The following SYN2 variants were observed in gnomAD, a reference collection of about 807,000 sequenced individuals.
SYN2 encodes synapsin-2.
A neutral mutation model predicts 50.9 loss-of-function variants in SYN2; 19 were observed. The ratio of observed to expected loss-of-function variants is 0.37; its 90% CI spans 0.26 to 0.55. SYN2 has a LOEUF of 0.55. SYN2 is among the 20% of genes least tolerant of loss of function. The pLI is 0.81. For synonymous variants in SYN2, 255 were observed against 224.9 expected, an observed-to-expected ratio of 1.13 and a Z score of -1.20; for missense variants, 587 against 576.4, an observed-to-expected ratio of 1.02 and a Z score of -0.19.
At chr3:12,165,149 G>C (rs898613829) in intron 7 of SYN2, 1 of 152,014 alleles carries the variant, frequency 6.6e-6, no homozygotes, top group African/African-American at 2.4e-5. Flanking sequence ...ACCATGCCTG[G>C]CTAATTTTTT....
intron 1 of SYN2, among the ~76,000 whole-genome samples, chr3:12,095,932 G>C (rs1266463354): frequency 7.2e-5 from 11 of 152,060 alleles, no homozygotes. Flanking sequence ...CCCACTTGCA[G>C]TTCTTATGTA....
chr3:12,139,907 A>C (rs1300355810), intron 1 of SYN2, among the ~76,000 whole-genome samples: 2 of 152,252 alleles, frequency 1.3e-5, no homozygotes, highest in Admixed American at 6.5e-5. Flanking sequence ...TCTGCTTATA[A>C]GGGATTAATT....
intron 1 of SYN2, among the ~76,000 whole-genome samples, chr3:12,132,502 T>C (rs2125210330): frequency 6.6e-6 from 1 of 152,318 alleles, no homozygotes; most frequent in South Asian, 2.1e-4. Flanking sequence ...ATTTGATTTG[T>C]GTAGGGTCAC....
intron 1 of SYN2, among the ~76,000 whole-genome samples, chr3:12,015,990 T>C (rs1412010265): frequency 2.0e-5 from 3 of 152,214 alleles, no homozygotes; most frequent in South Asian, 4.1e-4. Context: ...ACAAAGAGGC[T>C]TGGGCTTCGT....
Position 12,096,144 on chromosome 3 carries a change from T to C in SYN2, c.378-44507T>C, listed in dbSNP as rs572413714. On this transcript the variant is annotated intron_variant, in intron 1 of 12. Coordinates refer to ENST00000621198, the MANE Select transcript of SYN2 (RefSeq NM_133625.6). ...TGTTATACCTTTAGAATTTATCTCA[T>C]GTCATCCATTTCTCCTAGGCCAGGT... 1.7e-3 allele frequency among the ~76,000 whole-genome samples: 255 copies of C among 152,340 alleles called. 1 individual carries two copies. Among genetic ancestry groups the C allele is most frequent in the African/African-American group, 5.9e-3 (244 of 41,562 alleles).
chr3:12,059,808 C>T (rs1695075261), intron 1 of SYN2, among the ~76,000 whole-genome samples: 2 of 152,084 alleles, frequency 1.3e-5, no homozygotes, highest in Admixed American at 6.5e-5. Context: ...GGGGGGCCCA[C>T]AGGCTCCTCT....
At chr3:12,164,984 CTTTT>C (rs68043865) in intron 7 of SYN2, among the ~76,000 whole-genome samples, 1 of 92,340 alleles carries the variant, frequency 1.1e-5, no homozygotes, top group Admixed American at 1.4e-4. Flanking sequence ...TTTTTCTTTT[CTTTT>C]TTTTTTTTTT....
At chr3:12,096,565 T>A (rs1054318782) in intron 1 of SYN2, among the ~76,000 whole-genome samples, 1 of 152,076 alleles carries the variant, frequency 6.6e-6, no homozygotes, top group Non-Finnish European at 1.5e-5. Flanking sequence ...AATTCATTTG[T>A]GATCATCAGC....
intron 1 of SYN2, among the ~76,000 whole-genome samples, chr3:12,117,425 A>G (rs1302563596): frequency 6.6e-6 from 1 of 152,198 alleles, no homozygotes; most frequent in Non-Finnish European, 1.5e-5. Context: ...TACCTTACCA[A>G]TGTACAATCC....
chr3:12,141,599 C>G (rs1697021723), intron 2 of SYN2, among the ~76,000 whole-genome samples: 1 of 152,212 alleles, frequency 6.6e-6, no homozygotes, highest in Non-Finnish European at 1.5e-5. Context: ...AGAGGCAGCA[C>G]AAAGGATGCT....
chr3:12,035,484 C>T lies in SYN2; in HGVS notation c.377+30556C>T, dbSNP rs149708369. On this transcript the variant is annotated intron_variant, in intron 1 of 12. Coordinates refer to ENST00000621198, the MANE Select transcript of SYN2 (RefSeq NM_133625.6). ...AGGTGAGGCATTTATTGCAGGGCAC[C>T]AAGCAATGAGAATTGACAGCTAATG... Among the ~76,000 whole-genome samples, 6 of 152,294 alleles carry T rather than the reference C, an allele frequency of 3.9e-5. No homozygotes were observed. The East Asian group carries it at 7.7e-4, about 20-fold the overall frequency.
intron 1 of SYN2, among the ~76,000 whole-genome samples, chr3:12,085,371 ACACACACACGCACG>A (rs771509060): frequency 2.2e-5 from 2 of 91,032 alleles, no homozygotes; most frequent in African/African-American, 6.7e-5. Flanking sequence ...ACACACACAC[ACACACACACGCACG>A]CACGCACGCA....
At chr3:12,084,214 G>C (rs307570) in intron 1 of SYN2, among the ~76,000 whole-genome samples, 125,570 of 152,100 alleles carry the variant, frequency 0.83, 52,313 homozygotes, top group Middle Eastern at 0.93. Context: ...TATGTCTTTT[G>C]ATATCACTCA....
At chr3:12,016,359 C>G (rs921286253) in intron 1 of SYN2, among the ~76,000 whole-genome samples, 1 of 152,186 alleles carries the variant, frequency 6.6e-6, no homozygotes, top group Non-Finnish European at 1.5e-5. Flanking sequence ...CAGTGAAATA[C>G]TTGAAATCAA....
In SYN2 at chr3:12,102,121, G is replaced by A. The variant is rs543109763; in HGVS notation, c.378-38530G>A. On this transcript the variant is annotated intron_variant, in intron 1 of 12. Transcript: ENST00000621198. Reference sequence around the variant, plus strand: ...ACCTTGAAGGATAGAGCAGAATTTGGTGCATGAAATTTGGTGCATTTTGGT... The same window carrying A: ...ACCTTGAAGGATAGAGCAGAATTTGATGCATGAAATTTGGTGCATTTTGGT... Among the ~76,000 whole-genome samples the A allele has an allele frequency of 3.2e-4, 48 of 152,236 alleles. 1 individual carries two copies. The South Asian group carries it at 9.7e-3, about 31-fold the overall frequency.
intron 1 of SYN2, among the ~76,000 whole-genome samples, chr3:12,110,736 T>A (rs1458229446): frequency 6.6e-6 from 1 of 152,238 alleles, no homozygotes; most frequent in African/African-American, 2.4e-5. Flanking sequence ...TGGGAGGAGC[T>A]GCTGTGAAGA....
At chr3:12,153,696 G>T (rs370220584) in intron 5 of SYN2, 7 of 1,614,100 alleles carry the variant, frequency 4.3e-6, no homozygotes, top group Non-Finnish European at 5.9e-6. Flanking sequence ...ACAGGGTACT[G>T]TGTAGCAGGT....
chr3:12,025,168 G>T (rs1241620843), intron 1 of SYN2, among the ~76,000 whole-genome samples: 2 of 143,258 alleles, frequency 1.4e-5, no homozygotes, highest in African/African-American at 4.9e-5. Context: ...TCCCATCATG[G>T]GGGGGGAGGG....
chr3:12,118,954 AT>A (rs1471276511), intron 1 of SYN2, among the ~76,000 whole-genome samples: 3 of 152,204 alleles, frequency 2.0e-5, no homozygotes, highest in Non-Finnish European at 2.9e-5. Context: ...ACTATTTTAC[AT>A]TCTTTTTTCA....
Sources: gnomAD v4.1 joint callset for allele counts (sites outside exome capture counted in the v4.1 genomes callset) on GRCh38, gnomAD v4.1.1 for gene constraint, MANE v1.5 for transcripts, NCBI Gene and HGNC (gene_info 2026-07-23, HGNC 2026-07-21) for gene names.